The following DNAH10 variants were observed in gnomAD, a reference collection of about 807,000 sequenced individuals.
DNAH10 encodes the protein dynein axonemal heavy chain 10.
DNAH10 carries 348 observed loss-of-function variants against 506.6 expected under a neutral mutation model. The ratio of observed to expected loss-of-function variants is 0.69; its 90% CI spans 0.63 to 0.75. The LOEUF is 0.75. Ranked by LOEUF, DNAH10 falls within the 30% of genes least tolerant of loss-of-function variation. The probability of loss-of-function intolerance (pLI) is 0.00; values close to 1 mark genes in which losing one functional copy is unlikely to be tolerated. For synonymous variants in DNAH10, 2,059 were observed against 2,198.6 expected (o/e 0.94, Z 1.78); for missense variants, 5,179 against 5,787.1 (o/e 0.89, Z 3.41).
chr12:123,887,166 G>A lies in DNAH10; in HGVS notation c.8848G>A (p.Gly2950Ser). The change falls in exon 52 of 79, where the codon GGC becomes AGC. Residue 2950 changes from glycine to serine, a missense_variant. Gly to Ser is a moderately conservative substitution (Grantham distance 56). This residue lies in a region of DNAH10 where 4,844 missense variants were observed against 5,430.5 expected (regional missense o/e 0.89). Coordinates refer to ENST00000673944, the MANE Select transcript of DNAH10 (RefSeq NM_001372106.1). Reference protein sequence around the residue: ...CEVFEILLSRGYSENSFREDL... With the variant: ...CEVFEILLSRSYSENSFREDL... ...GGTGTTTGAGATCCTGCTGAGCCGA[G>A]GCTACTCGGAGAACAGTTTCCGGGA... The A allele has an allele frequency of 6.2e-7, 1 of 1,611,198 alleles. No homozygotes were observed. Among genetic ancestry groups the A allele is most frequent in the Non-Finnish European group, 8.5e-7 (1 of 1,178,690 alleles).
At position 123,929,421 on chromosome 12, in the gene DNAH10, G is replaced by C; in HGVS notation, c.12453G>C (p.Glu4151Asp). The change falls in exon 71 of 79, where the codon GAG becomes GAC. Residue 4151 changes from glutamate to aspartate, a missense_variant. This residue lies in a region of DNAH10 where 4,844 missense variants were observed against 5,430.5 expected (regional missense o/e 0.89). Coordinates refer to ENST00000673944, the MANE Select transcript of DNAH10 (RefSeq NM_001372106.1). ...CGTTCTTTCATGCTGTGGTGCAGGAGAGAAGGAAGTTTGGGAAGATTGGCT... is the reference window on the plus strand; with the variant it reads ...CGTTCTTTCATGCTGTGGTGCAGGACAGAAGGAAGTTTGGGAAGATTGGCT... ...VLAFFHAVVQ[E>D]RRKFGKIGWN... The C allele has an allele frequency of 1.2e-6, 2 of 1,613,740 alleles. No homozygotes were observed.
chr12:123,824,931 C>T (rs1048160828), intron 24 of DNAH10, among the ~76,000 whole-genome samples: 14 of 152,016 alleles, frequency 9.2e-5, no homozygotes, highest in African/African-American at 2.4e-4. Flanking sequence ...TTTTGGGGGA[C>T]GCTATTCAGC....
chr12:123,851,361 C>T (rs4589376), intron 35 of DNAH10, among the ~76,000 whole-genome samples: 53,834 of 126,572 alleles, frequency 0.43, 14,278 homozygotes, highest in African/African-American at 0.56. Context: ...TAGGATGTGT[C>T]AGCTCCATGT....
Position 123,830,595 on chromosome 12 carries a change from G to T in DNAH10, c.4441G>T (p.Glu1481Ter), listed in dbSNP as rs185091217. ...EKTSVFFEMT[E>*]TFTLENMFAM... ...AACGTCTGTCTTTTTTGAAATGACC[G>T]AAACGTTCACCTTGGAAAATATGTT... The change falls in exon 26 of 79, where the codon GAA (glutamate) becomes TAA (stop). Residue 1481 changes from glutamate to a stop codon, truncating the protein, a stop_gained. Transcript: ENST00000673944. LOFTEE classifies it high-confidence loss of function. 6.2e-7 allele frequency: 1 copy of T among 1,613,532 alleles called. No homozygotes were observed. The highest frequency in any genetic ancestry group is 8.5e-7 in the Non-Finnish European group (1 of 1,179,796).
rs756969762 is a variant in DNAH10 at position 123,875,407 on chromosome 12, G to C, written c.8115G>C (p.Ser2705=). The C allele has an allele frequency of 6.2e-7, 1 of 1,613,958 alleles. No individual in the cohort carries two copies. The highest frequency in any genetic ancestry group is 8.5e-7 in the Non-Finnish European group (1 of 1,179,880). ...GRNEVDPRFI[S]LFSVFNVPFP... ...ATGAAGTTGACCCAAGATTTATTTC[G>C]CTATTCAGTGTCTTCAATGTGCCAT... The change falls in exon 47 of 79, where the codon TCG becomes TCC. Residue 2705 remains serine (S), a synonymous_variant. Transcript: ENST00000673944.
intron 38 of DNAH10, among the ~76,000 whole-genome samples, chr12:123,859,799 C>T (rs575046243): frequency 6.6e-6 from 1 of 152,120 alleles, no homozygotes; most frequent in Admixed American, 6.5e-5. Context: ...TTTGGGAGGC[C>T]TGGGTGGGAG....
At chr12:123,908,192 GTC>G (rs200926850) in intron 57 of DNAH10, 25 of 371,804 alleles carry the variant, frequency 6.7e-5, no homozygotes, top group African/African-American at 6.1e-4. Context: ...TCTCCTCCCT[GTC>G]TCTCTGTCCC....
rs1235575672 is a variant in DNAH10, at chr12:123,820,578, AG to A, written c.4001del. The A allele has an allele frequency of 6.2e-7, 1 of 1,612,480 alleles. No homozygotes were observed. The highest frequency in any genetic ancestry group is 1.7e-5 in the Admixed American group (1 of 59,670). ...TCACTCATCGGTGTATTTATTTACT[AG>A]GAGTAGAGCTTTTAGGTGTTTATGA... On this transcript the variant is annotated splice_acceptor_variant, in intron 23 of 78. Transcript: ENST00000673944. LOFTEE classifies it high-confidence loss of function.
intron 55 of DNAH10, 79 bp downstream of exon 55, chr12:123,898,046 G>C: frequency 2.2e-6 from 3 of 1,338,326 alleles, no homozygotes; most frequent in Non-Finnish European, 3.0e-6. Flanking sequence ...CTTTTCTTTA[G>C]TAAGATGGGG....
chr12:123,877,704 T>C (rs778764820), intron 47 of DNAH10, 32 bp from the exon 48 acceptor site: 2 of 1,551,824 alleles, frequency 1.3e-6, no homozygotes, highest in Non-Finnish European at 1.7e-6. Context: ...AGGACATTTG[T>C]GTGTTGGGGG....
Position 123,935,505 on chromosome 12 carries a change from A to C in DNAH10, c.*24A>C. On this transcript the variant is annotated 3_prime_UTR_variant, in exon 79 of 79. Transcript: ENST00000673944. ...AACCTTTGGGTGAAGAAAACTGCTT[A>C]ATGAATTCGGAGCCTGGGGTTGTCA... 6.4e-7 allele frequency: 1 copy of C among 1,561,544 alleles called. No homozygotes were observed. The highest frequency in any genetic ancestry group is 8.8e-7 in the Non-Finnish European group (1 of 1,142,410).
intron 15 of DNAH10, among the ~76,000 whole-genome samples, chr12:123,801,016 C>CA (rs1311752730): frequency 5.4e-4 from 73 of 134,930 alleles, no homozygotes; most frequent in Non-Finnish European, 5.9e-4. Context: ...GACTCCATCT[C>CA]AAAAAAAAAA....
chr12:123,764,679 T>C (rs1282143998), intron 1 of DNAH10, among the ~76,000 whole-genome samples: 1 of 152,100 alleles, frequency 6.6e-6, no homozygotes, highest in African/African-American at 2.4e-5. Context: ...CCTGGTTAAT[T>C]CCTGGACCCT....
chr12:123,882,019 C>T, intron 51 of DNAH10: 1 of 428,940 alleles, frequency 2.3e-6, no homozygotes, highest in Non-Finnish European at 3.9e-6. Context: ...CATCTAAGTA[C>T]AGGTGTTCTT....
At chr12:123,918,542 G>A (rs1158212886) in intron 64 of DNAH10, 134 bp from the exon 65 acceptor site, 27 of 1,121,028 alleles carry the variant, frequency 2.4e-5, no homozygotes, top group Admixed American at 1.2e-4. Context: ...GGGTGCCCTC[G>A]CTCCCCTGCA....
At chr12:123,774,335 A>G in intron 5 of DNAH10, 71 bp downstream of exon 5, 1 of 1,224,672 alleles carries the variant, frequency 8.2e-7, no homozygotes, top group Non-Finnish European at 1.2e-6. Context: ...TATTCCACAA[A>G]TAGGTAGCGG....
At chr12:123,915,112 T>C in intron 62 of DNAH10, 113 bp downstream of exon 62, 1 of 1,384,762 alleles carries the variant, frequency 7.2e-7, no homozygotes, top group Admixed American at 2.8e-5. Context: ...TGGGCTGAAA[T>C]GCTTCCATCC....
At position 123,931,926 on chromosome 12, in the gene DNAH10, CTT is replaced by C; in HGVS notation, c.13129-14_13129-13del. 7 of 1,613,850 alleles carry C rather than the reference CTT, an allele frequency of 4.3e-6. No individual in the cohort carries two copies. The highest frequency in any genetic ancestry group is 5.1e-6 in the Non-Finnish European group (6 of 1,179,800). ...TCTGATAGAGTCCTGCCCGATTGCTCTTGATTCTAAATAGGCCTTGGCTGGAG... is the reference window on the plus strand; with the variant it reads ...TCTGATAGAGTCCTGCCCGATTGCTCGATTCTAAATAGGCCTTGGCTGGAG... On this transcript the variant is annotated splice_polypyrimidine_tract_variant and intron_variant, in intron 75 of 78. Coordinates refer to ENST00000673944, the MANE Select transcript of DNAH10 (RefSeq NM_001372106.1).
At chr12:123,883,492 G>A (rs1453676228) in intron 51 of DNAH10, among the ~76,000 whole-genome samples, 1 of 152,082 alleles carries the variant, frequency 6.6e-6, no homozygotes, top group Admixed American at 6.5e-5. Flanking sequence ...TTTTCTCCCC[G>A]ACTCTTCATT....
Sources: allele counts gnomAD v4.1 joint callset (sites outside exome capture counted in the v4.1 genomes callset), GRCh38; gene constraint gnomAD v4.1.1; regional missense constraint gnomAD v4.1.1; transcripts MANE v1.5; gene names NCBI Gene and HGNC (gene_info 2026-07-23, HGNC 2026-07-21).